The following RELN variants were observed in gnomAD, a reference collection of about 807,000 sequenced individuals.
RELN encodes the protein reelin.
A neutral mutation model predicts 427.6 loss-of-function variants in RELN; 108 were observed. The observed-to-expected ratio is 0.25, with a 90% CI of 0.22 to 0.30. The LOEUF is 0.30. RELN is among the 10% of genes least tolerant of loss of function. RELN has a pLI of 1.00. For missense variants in RELN, 3,715 were observed against 4,302.8 expected, an observed-to-expected ratio of 0.86 and a Z score of 3.82; for synonymous variants, 1,524 against 1,513.4, an observed-to-expected ratio of 1.01 and a Z score of -0.16.
At position 103,846,443 on chromosome 7, in the gene RELN, C is replaced by T. The variant is rs143331967; in HGVS notation, c.338-12771G>A. 5.5e-3 allele frequency among the ~76,000 whole-genome samples: 836 copies of T among 152,326 alleles called. 7 individuals carry two copies. The highest frequency in any genetic ancestry group is 0.019 in the African/African-American group (800 of 41,556). ...AAATTAACTCAAGATGGATTAAAAACTTAAATGTAAGACCTAAAACCATAA... is the reference window on the plus strand; with the variant it reads ...AAATTAACTCAAGATGGATTAAAAATTTAAATGTAAGACCTAAAACCATAA... On this transcript the variant is annotated intron_variant, in intron 2 of 64. Transcript: ENST00000428762.
Position 103,988,482 on chromosome 7 carries a change from A to C in RELN, c.226+649T>G, listed in dbSNP as rs1418515144. Among the ~76,000 whole-genome samples, 1 of 152,250 alleles carries C rather than the reference A, an allele frequency of 6.6e-6. No homozygotes were observed. Among genetic ancestry groups the C allele is most frequent in the Non-Finnish European group, 1.5e-5 (1 of 68,040 alleles). On this transcript the variant is annotated intron_variant, in intron 1 of 64. Transcript: ENST00000428762. The surrounding 1 kb of genome is among the most constrained non-coding windows in gnomAD (Gnocchi z 4.9). ...AATTCTAACAAGAAGCACCATGTAA[A>C]AGTAAGGCAGGAATCAGAAAAATCA... is the stretch of plus-strand genomic sequence containing the variant.
Position 103,553,479 on chromosome 7 carries a change from G to A in RELN, c.6054C>T (p.Asn2018=). Residue 2018 remains asparagine (N), a synonymous_variant, in exon 40 of 65, where the codon AAC becomes AAT. Transcript: ENST00000428762. ...ITTRDLNVNE[N]TIIQFEINVG... is the part of the protein sequence containing the mutation. The stretch of plus-strand genomic sequence containing the variant: ...CAAGTACCTCAAATTGTATGATGGT[G>A]TTCTCATTCACATTTAGGTCACGGG... 4 of 1,612,204 alleles carry A rather than the reference G, an allele frequency of 2.5e-6. No individual in the cohort carries two copies. Among genetic ancestry groups the A allele is most frequent in the South Asian group, 1.1e-5 (1 of 91,040 alleles).
intron 11 of RELN, among the ~76,000 whole-genome samples, chr7:103,665,352 GTGTGTGTGTGTATATATA>G (rs900037780): frequency 7.7e-6 from 1 of 130,138 alleles, no homozygotes; most frequent in Admixed American, 7.7e-5. Flanking sequence ...GTGTGTGTGT[GTGTGTGTGTGTATATATA>G]TATATATATA....
At chr7:103,751,301 G>C (rs569132644) in intron 5 of RELN, among the ~76,000 whole-genome samples, 2 of 152,146 alleles carry the variant, frequency 1.3e-5, no homozygotes, top group African/African-American at 4.8e-5. Flanking sequence ...ATAATTCTCT[G>C]AAATCACTGG....
At chr7:103,670,580 A>G (rs1833369547) in intron 11 of RELN, among the ~76,000 whole-genome samples, 1 of 152,040 alleles carries the variant, frequency 6.6e-6, no homozygotes, top group Non-Finnish European at 1.5e-5. Context: ...CTGAATGACT[A>G]TATGCCAACA....
chr7:103,907,990 G>C (rs1426258662), intron 2 of RELN, among the ~76,000 whole-genome samples: 1 of 151,918 alleles, frequency 6.6e-6, no homozygotes, highest in Non-Finnish European at 1.5e-5. Flanking sequence ...AGTGTGTGAC[G>C]TTCCTCTCCC....
At chr7:103,757,192 T>C (rs1469783828) in intron 4 of RELN, among the ~76,000 whole-genome samples, 1 of 152,180 alleles carries the variant, frequency 6.6e-6, no homozygotes, top group Non-Finnish European at 1.5e-5. Context: ...TTATATGAAC[T>C]TGGTATAAAG....
intron 2 of RELN, among the ~76,000 whole-genome samples, chr7:103,911,771 G>A (rs1486567628): frequency 9.2e-5 from 12 of 130,068 alleles, no homozygotes; most frequent in African/African-American, 1.2e-4. Context: ...ACCAAACACC[G>A]CATATTCTCA....
intron 58 of RELN, 117 bp downstream of exon 58, chr7:103,491,836 T>G (rs1347663652): frequency 2.4e-5 from 14 of 587,376 alleles, no homozygotes; most frequent in South Asian, 1.8e-4. Flanking sequence ...TCTCTCTCTC[T>G]CTCTCTCTCT....
intron 3 of RELN, among the ~76,000 whole-genome samples, chr7:103,803,700 G>C (rs1792525244): frequency 6.6e-6 from 1 of 152,004 alleles, no homozygotes; most frequent in Non-Finnish European, 1.5e-5. Flanking sequence ...CAGTTTTTCA[G>C]GCACTCCTGC....
At position 103,632,543 on chromosome 7, in the gene RELN, G is replaced by C. The variant is rs372722821; in HGVS notation, c.2466-2367C>G. 2.0e-5 allele frequency among the ~76,000 whole-genome samples: 3 copies of C among 152,236 alleles called. No homozygotes were observed. The East Asian group carries it at 5.8e-4, about 29-fold the overall frequency. On this transcript the variant is annotated intron_variant, in intron 19 of 64. Transcript: ENST00000428762. ...GAGCCTTGTTCTTAACTTCTACATC[G>C]TATCTTTGGGTGTAGGGGGAGTTCC...
At chr7:103,762,036 A>G (rs1272675396) in intron 4 of RELN, among the ~76,000 whole-genome samples, 1 of 151,992 alleles carries the variant, frequency 6.6e-6, no homozygotes, top group Admixed American at 6.5e-5. Flanking sequence ...TCCAATGTCT[A>G]TTCTTCTTTT....
At chr7:103,659,082 A>T (rs1442100993) in intron 12 of RELN, among the ~76,000 whole-genome samples, 1 of 151,840 alleles carries the variant, frequency 6.6e-6, no homozygotes, top group Non-Finnish European at 1.5e-5. Context: ...ATGATTTTCG[A>T]ATCTGATTCG....
At chr7:103,924,737 A>C (rs1352463692) in intron 1 of RELN, among the ~76,000 whole-genome samples, 1 of 152,158 alleles carries the variant, frequency 6.6e-6, no homozygotes, top group Non-Finnish European at 1.5e-5. Flanking sequence ...CACCAGTAAT[A>C]AAAGGAAATC....
chr7:103,755,079 T>C (rs1004263792), intron 4 of RELN, among the ~76,000 whole-genome samples: 1 of 152,072 alleles, frequency 6.6e-6, no homozygotes, highest in African/African-American at 2.4e-5. Flanking sequence ...TTCAAGAAGG[T>C]TAGCTGCAAA....
chr7:103,741,473 TTAA>T (rs1182942790), intron 6 of RELN, among the ~76,000 whole-genome samples: 6 of 151,930 alleles, frequency 3.9e-5, no homozygotes, highest in African/African-American at 1.5e-4. Context: ...TAAGATTATT[TTAA>T]TAATAATAAT....
intron 20 of RELN, among the ~76,000 whole-genome samples, chr7:103,615,843 A>C (rs1025348790): frequency 2.0e-5 from 3 of 152,326 alleles, no homozygotes; most frequent in East Asian, 1.9e-4. Flanking sequence ...TGCTGTAATG[A>C]ATACCGACAA....
chr7:103,613,645 A>T lies in RELN; in HGVS notation c.2703-1842T>A, dbSNP rs1036186307. ...CTTCAAGGGTTAAATGTCTCTCTAA[A>T]ATCCTTTATGAGGAAGATACTTAGA... is the stretch of plus-strand genomic sequence containing the variant. On this transcript the variant is annotated intron_variant, in intron 20 of 64. Transcript: ENST00000428762. Among the ~76,000 whole-genome samples the T allele has an allele frequency of 5.3e-5, 8 of 152,168 alleles. No individual in the cohort carries two copies. In the East Asian group the frequency reaches 1.5e-3, roughly 29 times the overall value.
chr7:103,856,527 C>T (rs1192778725), intron 2 of RELN, among the ~76,000 whole-genome samples: 2 of 147,466 alleles, frequency 1.4e-5, no homozygotes, highest in East Asian at 2.0e-4. Flanking sequence ...CAAGATTGCC[C>T]CATTGAACTC....
Sources: gnomAD v4.1 joint callset for allele counts (sites outside exome capture counted in the v4.1 genomes callset) on GRCh38, gnomAD v4.1.1 for gene constraint, Gnocchi (gnomAD v3.1) non-coding constraint, MANE v1.5 for transcripts, NCBI Gene and HGNC (gene_info 2026-07-23, HGNC 2026-07-21) for gene names.